The following CEP95 variants were observed in gnomAD, a reference collection of about 807,000 sequenced individuals.
CEP95 encodes the protein centrosomal protein of 95 kDa.
Under a neutral mutation model 111.2 loss-of-function variants are expected in CEP95, and 98 were observed. The observed-to-expected ratio is 0.88, with a 90% CI of 0.75 to 1.04. The LOEUF (loss-of-function observed/expected upper bound fraction) is 1.04. Among genes scored for constraint, CEP95 ranks in the 50% least tolerant of loss-of-function variants. The probability of loss-of-function intolerance (pLI) is 0.00; values close to 1 mark genes in which losing one functional copy is unlikely to be tolerated. For synonymous variants in CEP95, 323 were observed against 327.1 expected, an observed-to-expected ratio of 0.99 and a Z score of 0.14; for missense variants, 1,027 against 977.2, an observed-to-expected ratio of 1.05 and a Z score of -0.68.
In CEP95 at chr17:64,533,018, T is replaced by C. The variant is rs376809658; in HGVS notation, c.1842+10T>C. On this transcript the variant is annotated intron_variant, in intron 15 of 19. Transcript: ENST00000556440. ...GAAACTCCAAGATGAAGTAAGTTAC[T>C]GTCAGTCTTAAGCATAGGAATTTAA... 3.7e-6 allele frequency: 6 copies of C among 1,611,160 alleles called. No individual in the cohort carries two copies. Among genetic ancestry groups the C allele is most frequent in the Non-Finnish European group, 4.2e-6 (5 of 1,179,144 alleles).
At position 64,534,626 on chromosome 17, in the gene CEP95, A is replaced by G. The variant is rs570037230; in HGVS notation, c.1959A>G (p.Gln653=). The change falls in exon 17 of 20, where the codon CAA becomes CAG. Residue 653 remains glutamine, a synonymous_variant. Coordinates refer to ENST00000556440, the MANE Select transcript of CEP95 (RefSeq NM_138363.3). ...KDCIRRQRLT[Q]SKIKENRQQI... is the part of the protein sequence containing the mutation. ...GCATTCGTAGGCAAAGGTTGACCCA[A>G]TCAAAGATAAAAGAAAATCGACAGC... 5 of 1,613,832 alleles carry G rather than the reference A, an allele frequency of 3.1e-6. No homozygotes were observed. The highest frequency in any genetic ancestry group is 1.1e-5 in the South Asian group (1 of 91,072).
intron 3 of CEP95, 149 bp from the exon 4 acceptor site, chr17:64,514,094 CTTTTT>C (rs781959140): frequency 4.7e-6 from 2 of 428,324 alleles, no homozygotes; most frequent in Non-Finnish European, 8.5e-6. Flanking sequence ...CACCTGTATT[CTTTTT>C]TTTATTTAAT....
rs371654378 is a variant in CEP95 at position 64,522,853 on chromosome 17, C to T, written c.867C>T (p.Ser289=). ...AATACTTGCATTCAAGTCACTGCTC[C>T]CCAGCCGTAAATTCTACTGGAGAGC... ...GKEYLHSSHC[S]PAVNSTGEHT... is the part of the protein sequence containing the mutation. Residue 289 remains serine (S), a synonymous_variant, in exon 8 of 20, where the codon TCC becomes TCT. Coordinates refer to ENST00000556440, the MANE Select transcript of CEP95 (RefSeq NM_138363.3). The T allele has an allele frequency of 1.2e-6, 2 of 1,613,060 alleles. No individual in the cohort carries two copies. The highest frequency in any genetic ancestry group is 1.7e-6 in the Non-Finnish European group (2 of 1,179,710).
intron 8 of CEP95, among the ~76,000 whole-genome samples, chr17:64,525,000 T>C (rs1967685736): frequency 3.3e-5 from 5 of 151,798 alleles, no homozygotes. Flanking sequence ...ACATTAAATG[T>C]TTCTTCATCA....
Position 64,516,868 on chromosome 17 carries a change from C to T in CEP95, c.473+40C>T, listed in dbSNP as rs547013910. 3.6e-5 allele frequency: 44 copies of T among 1,211,030 alleles called. No individual in the cohort carries two copies. The Admixed American group carries it at 4.9e-4, about 14-fold the overall frequency. The allele number at this position is 1,211,030 out of a possible 1,614,324, so 75.0% of individuals were successfully genotyped here. A position where few individuals can be genotyped will look rare whatever the true frequency, so the allele number is the denominator to read the frequency against. The stretch of plus-strand genomic sequence containing the variant: ...CTCTGAATTTGATGAAAACAAGTTA[C>T]GCTTTTTGGACTAAGAATTAAAATC... On this transcript the variant is annotated intron_variant, in intron 5 of 19. Coordinates refer to ENST00000556440, the MANE Select transcript of CEP95 (RefSeq NM_138363.3).
intron 5 of CEP95, 30 bp from the exon 6 acceptor site, chr17:64,519,291 G>A: frequency 1.3e-6 from 2 of 1,514,394 alleles, no homozygotes; most frequent in Non-Finnish European, 9.2e-7. Flanking sequence ...GGTCAGGCTG[G>A]GCCCTGAGTG....
chr17:64,525,783 G>A lies in CEP95; in HGVS notation c.923G>A (p.Gly308Glu). The change falls in exon 9 of 20, where the codon GGA (glycine) becomes GAA (glutamate). Residue 308 changes from glycine to glutamate, a missense_variant. Transcript: ENST00000556440. ...HTEFSGDLDDGLFLISKLPKG... is the reference protein window; with the variant it reads ...HTEFSGDLDDELFLISKLPKG... ...TGTTTTTAATAGGATCTAGATGATG[G>A]ACTTTTCTTAATTTCCAAGTTGCCT... is the stretch of plus-strand genomic sequence containing the variant. The A allele has an allele frequency of 6.2e-7, 1 of 1,604,258 alleles. No homozygotes were observed. Among genetic ancestry groups the A allele is most frequent in the Non-Finnish European group, 8.5e-7 (1 of 1,175,452 alleles).
At chr17:64,526,965 A>T (rs1967867047) in intron 10 of CEP95, 146 bp from the exon 11 acceptor site, 1 of 575,694 alleles carries the variant, frequency 1.7e-6, no homozygotes, top group South Asian at 2.1e-5. Flanking sequence ...GTCTCAAAAT[A>T]AAAGTAAATA....
chr17:64,537,579 G>C, intron 19 of CEP95, 24 bp from the exon 20 acceptor site: 2 of 1,566,592 alleles, frequency 1.3e-6, no homozygotes, highest in Non-Finnish European at 1.7e-6. Flanking sequence ...GTGAACAGCG[G>C]GATGACATGC....
chr17:64,512,636 A>G (rs1279286397), intron 3 of CEP95, among the ~76,000 whole-genome samples: 1 of 152,232 alleles, frequency 6.6e-6, no homozygotes, highest in African/African-American at 2.4e-5. Context: ...AAGGAGATAA[A>G]TGTTAATCAG....
chr17:64,535,836 T>TAAAG (rs764344277), intron 17 of CEP95: 13 of 152,142 alleles, frequency 8.5e-5, no homozygotes, highest in Non-Finnish European at 1.8e-4. Flanking sequence ...AATGAATGGA[T>TAAAG]AAAGAGTGTG....
rs782683410 is a variant in CEP95, at chr17:64,521,513, C to G, written c.701C>G (p.Ser234Cys). The G allele has an allele frequency of 6.2e-7, 1 of 1,610,984 alleles. No individual in the cohort carries two copies. The highest frequency in any genetic ancestry group is 8.5e-7 in the Non-Finnish European group (1 of 1,178,532). ...PPSVLSKSRT[S>C]FVEDTETLSV... ...AGTGTTTTGTCCAAGAGTAGGACAT[C>G]CTTTGTTGAAGACAGTGAGTTGTAA... The change falls in exon 7 of 20, where the codon TCC becomes TGC. Residue 234 changes from serine to cysteine, a missense_variant. Ser to Cys is a moderately radical substitution (Grantham distance 112). Transcript: ENST00000556440.
chr17:64,508,979 C>T (rs1212447827), intron 2 of CEP95, among the ~76,000 whole-genome samples: 1 of 151,940 alleles, frequency 6.6e-6, no homozygotes, highest in Admixed American at 6.6e-5. Flanking sequence ...CTCATAATAA[C>T]GGCCTTGAGC....
intron 17 of CEP95, 106 bp from the exon 18 acceptor site, chr17:64,536,496 C>G: frequency 2.7e-6 from 2 of 727,854 alleles, no homozygotes; most frequent in Non-Finnish European, 4.4e-6. Flanking sequence ...CTGAATAAAA[C>G]TAGTATTTAA....
rs1282567576 is a variant in CEP95 at position 64,530,959 on chromosome 17, A to C, written c.1480A>C (p.Arg494=). ...TGAAGCATTTGAAAGGGAACTAAGA[A>C]GACATAAAGTTCAAGAGAATATTGG... ...FTEAFERELR[R]HKVQENIGPL... is the part of the protein sequence containing the mutation. The change falls in exon 13 of 20, where the codon AGA becomes CGA. Residue 494 remains arginine, a synonymous_variant. Coordinates refer to ENST00000556440, the MANE Select transcript of CEP95 (RefSeq NM_138363.3). 1.9e-6 allele frequency: 3 copies of C among 1,561,008 alleles called. No individual in the cohort carries two copies. The highest frequency in any genetic ancestry group is 2.7e-5 in the African/African-American group (2 of 73,858).
intron 8 of CEP95, among the ~76,000 whole-genome samples, chr17:64,523,250 A>C (rs1258438573): frequency 1.3e-5 from 2 of 152,174 alleles, no homozygotes; most frequent in African/African-American, 4.8e-5. Context: ...TGAATAATTT[A>C]CTGCCCATAA....
chr17:64,517,704 T>C (rs1598200334), intron 5 of CEP95, among the ~76,000 whole-genome samples: 1 of 150,744 alleles, frequency 6.6e-6, no homozygotes, highest in East Asian at 2.0e-4. Flanking sequence ...TTTTTTTTTT[T>C]TTTTTTTTTA....
At chr17:64,514,439 C>T (rs2039040822) in intron 4 of CEP95, 81 bp downstream of exon 4, 4 of 693,528 alleles carry the variant, frequency 5.8e-6, no homozygotes, top group Admixed American at 2.3e-5. Context: ...GTGTATTTTT[C>T]TTCATAGGAA....
At chr17:64,511,182 A>G (rs2038871948) in intron 3 of CEP95, among the ~76,000 whole-genome samples, 1 of 152,198 alleles carries the variant, frequency 6.6e-6, no homozygotes, top group African/African-American at 2.4e-5. Context: ...TAAAATTGCT[A>G]ATGAAGTTTT....
Sources: allele counts gnomAD v4.1 joint callset (sites outside exome capture counted in the v4.1 genomes callset), GRCh38; gene constraint gnomAD v4.1.1; transcripts MANE v1.5; gene names NCBI Gene and HGNC (gene_info 2026-07-23, HGNC 2026-07-21).